MGAT3: variants seen among roughly 807,000 people sequenced by gnomAD.
MGAT3 encodes beta-1,4-mannosyl-glycoprotein 4-beta-N-acetylglucosaminyltransferase.
A neutral mutation model predicts 29.8 loss-of-function variants in MGAT3; 9 were observed. The ratio of observed to expected loss-of-function variants is 0.30; its 90% confidence interval spans 0.18 to 0.53. The LOEUF (loss-of-function observed/expected upper bound fraction) is 0.53. Among genes scored for constraint, MGAT3 ranks in the 20% least tolerant of loss-of-function variants. The pLI, the probability that MGAT3 is intolerant of heterozygous loss-of-function variation, is 0.96. For missense variants in MGAT3, 557 were observed against 769.5 expected, an observed-to-expected ratio of 0.72 and a Z score of 3.27; for synonymous variants, 397 against 348.9, an observed-to-expected ratio of 1.14 and a Z score of -1.54.
chr22:39,487,763 G>T lies in MGAT3; in HGVS notation c.416G>T (p.Gly139Val). The T allele has an allele frequency of 6.6e-7, 1 of 1,513,238 alleles. No individual in the cohort carries two copies. Among genetic ancestry groups the T allele is most frequent in the Non-Finnish European group, 8.8e-7 (1 of 1,133,622 alleles). The allele number at this position is 1,513,238 out of a possible 1,614,324, so 93.7% of individuals were successfully genotyped here. A position where few individuals can be genotyped will look rare whatever the true frequency, so the allele number is the denominator to read the frequency against. Reference sequence around the variant, plus strand: ...GGACGGCCGGAGGAGAAGCCTGAGGGGGCCAACGGCTCCTCGGCCCGGCGG... The same window carrying T: ...GGACGGCCGGAGGAGAAGCCTGAGGTGGCCAACGGCTCCTCGGCCCGGCGG... ...PPGRPEEKPE[G>V]ANGSSARRPP... Residue 139 changes from glycine to valine, a missense_variant, in exon 2 of 2, where the codon GGG becomes GTG. By Grantham distance (109) the Gly-to-Val change is moderately radical (BLOSUM62 -3). Coordinates refer to ENST00000341184, the MANE Select transcript of MGAT3 (RefSeq NM_002409.5). This position sits in a 1 kb window ranked among gnomAD's most constrained non-coding sequence, Gnocchi z 5.7.
rs560424989 is a variant in MGAT3, at chr22:39,463,401, GC to G, written c.-2+5845del. Reference sequence around the variant, plus strand: ...GTTCCTTCTCTCCCGTGGGCTCCCAGCAGGGCCTGTTCCCTGAGGCTTGGAG... The same window carrying G: ...GTTCCTTCTCTCCCGTGGGCTCCCAGAGGGCCTGTTCCCTGAGGCTTGGAG... On this transcript the variant is annotated intron_variant, in intron 1 of 1. Transcript: ENST00000341184. Among the ~76,000 whole-genome samples, 28 of 152,322 alleles carry G rather than the reference GC, an allele frequency of 1.8e-4. No homozygotes were observed. The South Asian group carries it at 5.8e-3, about 32-fold the overall frequency.
At chr22:39,471,064 G>T (rs1208760279) in intron 1 of MGAT3, among the ~76,000 whole-genome samples, 1 of 152,040 alleles carries the variant, frequency 6.6e-6, no homozygotes, top group South Asian at 2.1e-4. Context: ...GGCCTCCTTT[G>T]TTATCTGACG....
At position 39,491,072 on chromosome 22, in the gene MGAT3, G is replaced by A. The variant is rs1373758329; in HGVS notation, c.*2123G>A. On this transcript the variant is annotated 3_prime_UTR_variant, in exon 2 of 2. Coordinates refer to ENST00000341184, the MANE Select transcript of MGAT3 (RefSeq NM_002409.5). The surrounding 1 kb of genome is among the most constrained non-coding windows in gnomAD (Gnocchi z 5.5). Reference sequence around the variant, plus strand: ...ACCTGTCCCCTCCCCCCCACCTCCAGTGGGGCTTTCTCCAGATGTCTTATG... The same window carrying A: ...ACCTGTCCCCTCCCCCCCACCTCCAATGGGGCTTTCTCCAGATGTCTTATG... 1 of 167,120 alleles carries A rather than the reference G, an allele frequency of 6.0e-6. No individual in the cohort carries two copies. Among genetic ancestry groups the A allele is most frequent in the Non-Finnish European group, 1.5e-5 (1 of 68,216 alleles). The allele number at this position is 167,120 out of a possible 1,614,324, so 10.4% of individuals were successfully genotyped here. A position where few individuals can be genotyped will look rare whatever the true frequency, so the allele number is the denominator to read the frequency against.
intron 1 of MGAT3, among the ~76,000 whole-genome samples, chr22:39,476,101 G>A (rs867711364): frequency 6.6e-6 from 1 of 151,536 alleles, no homozygotes. Context: ...CACTCCGTGG[G>A]AAAGTCCTCA....
At chr22:39,483,351 G>A (rs1034139529) in intron 1 of MGAT3, among the ~76,000 whole-genome samples, 1 of 152,106 alleles carries the variant, frequency 6.6e-6, no homozygotes, top group African/African-American at 2.4e-5. Context: ...AAAATTAGCC[G>A]GTGTAGTGGT....
intron 1 of MGAT3, among the ~76,000 whole-genome samples, chr22:39,465,131 C>T (rs1312202440): frequency 2.6e-5 from 4 of 152,226 alleles, no homozygotes; most frequent in African/African-American, 9.6e-5. Context: ...CTCCCCAGCT[C>T]CTGCTCATCT....
At chr22:39,484,730 T>C (rs1228001855) in intron 1 of MGAT3, among the ~76,000 whole-genome samples, 1 of 151,376 alleles carries the variant, frequency 6.6e-6, no homozygotes, top group Non-Finnish European at 1.5e-5. Context: ...AGGCTGGCCA[T>C]GGTGGTTCAT....
intron 1 of MGAT3, among the ~76,000 whole-genome samples, chr22:39,459,076 T>TCTTTTCTTTTCTTTTC (rs1568997680): frequency 5.2e-5 from 1 of 19,232 alleles, no homozygotes; most frequent in African/African-American, 8.4e-5. Context: ...TCTTTTCTTT[T>TCTTTTCTTTTCTTTTC]TTTTTTTTTT....
intron 1 of MGAT3, chr22:39,477,388 C>G (rs1284130630): frequency 1.3e-5 from 2 of 152,164 alleles, no homozygotes. Flanking sequence ...GGGTGCCAGT[C>G]AGGGTGAAGC....
chr22:39,477,396 A>T (rs150816983), intron 1 of MGAT3: 1 of 152,340 alleles, frequency 6.6e-6, no homozygotes, highest in African/African-American at 2.4e-5. Context: ...GTCAGGGTGA[A>T]GCAGCCCCGC....
chr22:39,470,304 G>T (rs1928772140), intron 1 of MGAT3, among the ~76,000 whole-genome samples: 1 of 152,238 alleles, frequency 6.6e-6, no homozygotes, highest in Non-Finnish European at 1.5e-5. Context: ...ATCAGAGCAT[G>T]CAGGGACCTG....
Position 39,491,537 on chromosome 22 carries a change from C to T in MGAT3, c.*2588C>T, listed in dbSNP as rs5995742. ...TCCAGGGCACCAGCTCAGGGCTAAG[C>T]GAAGGAAGATAGGAGCAGCTCAGAG... On this transcript the variant is annotated 3_prime_UTR_variant, in exon 2 of 2. Transcript: ENST00000341184. The surrounding 1 kb of genome is among the most constrained non-coding windows in gnomAD (Gnocchi z 5.5). 9.0e-4 allele frequency: 150 copies of T among 166,370 alleles called. No homozygotes were observed. Among genetic ancestry groups the T allele is most frequent in the Non-Finnish European group, 1.1e-3 (76 of 68,134 alleles). The allele number at this position is 166,370 out of a possible 1,614,324, so 10.3% of individuals were successfully genotyped here.
chr22:39,488,107 CG>C lies in MGAT3; in HGVS notation c.763del (p.Glu255ArgfsTer3). 1 of 1,612,732 alleles carries C rather than the reference CG, an allele frequency of 6.2e-7. No homozygotes were observed. The highest frequency in any genetic ancestry group is 8.5e-7 in the Non-Finnish European group (1 of 1,179,612). On this transcript the variant is annotated frameshift_variant, in exon 2 of 2. Coordinates refer to ENST00000341184, the MANE Select transcript of MGAT3 (RefSeq NM_002409.5). LOFTEE classifies it high-confidence loss of function. ...TGGGGAGCCGCGGCCGCTCAAGTTC[CG>C]GGAGATGCTGACCAATGGCACCTTC... is the stretch of plus-strand genomic sequence containing the variant. ...AYGEPRPLKFREMLTNGTFEY... is the reference protein window; with the variant it reads ...AYGEPRPLKFXEMLTNGTFEY...
At chr22:39,458,292 G>C (rs941671006) in intron 1 of MGAT3, among the ~76,000 whole-genome samples, 2 of 151,936 alleles carry the variant, frequency 1.3e-5, no homozygotes, top group African/African-American at 4.8e-5. Context: ...GCAGCAGGAA[G>C]GGATGCCGCG....
intron 1 of MGAT3, among the ~76,000 whole-genome samples, chr22:39,481,991 G>C (rs1196438929): frequency 6.6e-6 from 1 of 152,086 alleles, no homozygotes; most frequent in African/African-American, 2.4e-5. Context: ...TCACTCCCCT[G>C]CCCAGGCTGG....
At position 39,488,777 on chromosome 22, in the gene MGAT3, C is replaced by G; in HGVS notation, c.1430C>G (p.Pro477Arg). 3 of 1,611,886 alleles carry G rather than the reference C, an allele frequency of 1.9e-6. No individual in the cohort carries two copies. The highest frequency in any genetic ancestry group is 2.5e-6 in the Non-Finnish European group (3 of 1,179,106). Residue 477 changes from proline (P) to arginine (R), a missense_variant, in exon 2 of 2, where the codon CCC becomes CGC. Around this residue, in one of 3 missense-constraint regions of MGAT3, gnomAD observed 102 missense variants for 97.0 expected, o/e 1.05. Coordinates refer to ENST00000341184, the MANE Select transcript of MGAT3 (RefSeq NM_002409.5). ...CAGCAGGAGTACCCGCCTGCAGACC[C>G]CAGCGAGCACATGTATGCGCCCAAG... ...GTQQEYPPAD[P>R]SEHMYAPKYL... is the part of the protein sequence containing the mutation.
At chr22:39,459,604 C>T (rs530606981) in intron 1 of MGAT3, among the ~76,000 whole-genome samples, 1 of 152,306 alleles carries the variant, frequency 6.6e-6, no homozygotes, top group South Asian at 2.1e-4. Context: ...GCTAGGACTA[C>T]AGGCGTGAGC....
Position 39,481,523 on chromosome 22 carries a change from C to T in MGAT3, c.-1-5824C>T, listed in dbSNP as rs188143950. Among the ~76,000 whole-genome samples the T allele has an allele frequency of 7.2e-5, 11 of 152,328 alleles. No homozygotes were observed. In the East Asian group the frequency reaches 7.7e-4, roughly 11 times the overall value. On this transcript the variant is annotated intron_variant, in intron 1 of 1. Coordinates refer to ENST00000341184, the MANE Select transcript of MGAT3 (RefSeq NM_002409.5). ...AGTACCCACCGAGGTGCCTGGCACA[C>T]GGGGCTCTGGCAAAATCGTTGCTGA...
At chr22:39,465,120 TCTCC>T (rs1287465387) in intron 1 of MGAT3, among the ~76,000 whole-genome samples, 1 of 152,138 alleles carries the variant, frequency 6.6e-6, no homozygotes, top group African/African-American at 2.4e-5. Context: ...AGCACTTTGC[TCTCC>T]CCAGCTCCTG....
Sources: allele counts gnomAD v4.1 joint callset (sites outside exome capture counted in the v4.1 genomes callset), GRCh38; gene constraint gnomAD v4.1.1; regional missense constraint gnomAD v4.1.1; non-coding constraint Gnocchi (gnomAD v3.1); transcripts MANE v1.5; gene names NCBI Gene and HGNC (gene_info 2026-07-23, HGNC 2026-07-21).